Variants in SDK1 observed in about 807,000 individuals in gnomAD.
SDK1 encodes the protein protein sidekick-1.
In SDK1, 157 loss-of-function variants were observed where a neutral mutation model predicts 245.5. The ratio of observed to expected loss-of-function variants is 0.64; its 90% CI spans 0.56 to 0.73. The LOEUF (loss-of-function observed/expected upper bound fraction) is 0.73, where lower values mean the gene tolerates loss of function less well. SDK1 is among the 30% of genes least tolerant of loss of function. The pLI is 0.00. For missense variants in SDK1, 3,583 were observed against 3,002.3 expected (o/e 1.19, Z -4.52); for synonymous variants, 1,647 against 1,278.5 (o/e 1.29, Z -6.15).
At chr7:4,221,797 C>T (rs1785166900) in intron 40 of SDK1, among the ~76,000 whole-genome samples, 1 of 152,166 alleles carries the variant, frequency 6.6e-6, no homozygotes. Context: ...GTGAAACCGA[C>T]ACATCGTTTG....
At chr7:4,070,288 T>G (rs10238275) in intron 20 of SDK1, among the ~76,000 whole-genome samples, 11,739 of 152,202 alleles carry the variant, frequency 0.077, 1,024 homozygotes, top group African/African-American at 0.21. Context: ...CACCCTCATT[T>G]CCCGGTTCAC....
chr7:3,581,806 C>T (rs576180119), intron 1 of SDK1, among the ~76,000 whole-genome samples: 1 of 152,228 alleles, frequency 6.6e-6, no homozygotes, highest in African/African-American at 2.4e-5. Context: ...CCTCAGAATA[C>T]TATGCGGCCA....
Position 3,401,756 on chromosome 7 carries a change from A to C in SDK1, c.298+99872A>C, listed in dbSNP as rs1408225007. Among the ~76,000 whole-genome samples the C allele has an allele frequency of 7.9e-5, 12 of 152,146 alleles. 1 individual carries two copies. Among genetic ancestry groups the C allele is most frequent in the Admixed American group, 7.9e-4 (12 of 15,272 alleles). On this transcript the variant is annotated intron_variant, in intron 1 of 44. Transcript: ENST00000404826. ...TAATTTTGTATCTACTAGTATTAGA[A>C]TGTATGAATTACCCCTTAATTTTTC...
At chr7:3,534,994 T>C (rs990232318) in intron 1 of SDK1, among the ~76,000 whole-genome samples, 2 of 152,014 alleles carry the variant, frequency 1.3e-5, no homozygotes, top group Non-Finnish European at 2.9e-5. Flanking sequence ...GCTGTGTAAA[T>C]GTCATGCAGT....
intron 29 of SDK1, among the ~76,000 whole-genome samples, chr7:4,146,635 C>T (rs958450424): frequency 2.0e-5 from 3 of 152,204 alleles, no homozygotes; most frequent in Admixed American, 6.5e-5. Flanking sequence ...TTGAGCTCCC[C>T]GAAAGCAGCC....
At chr7:3,661,017 A>C (rs913471262) in intron 4 of SDK1, among the ~76,000 whole-genome samples, 1 of 152,184 alleles carries the variant, frequency 6.6e-6, no homozygotes, top group African/African-American at 2.4e-5. Context: ...TTTAGAAATT[A>C]CTTATGTGAA....
At chr7:3,992,197 A>C (rs1374143681) in intron 14 of SDK1, among the ~76,000 whole-genome samples, 6 of 152,198 alleles carry the variant, frequency 3.9e-5, no homozygotes, top group South Asian at 2.1e-4. Context: ...CCCTGACGAC[A>C]TTCCTGCCAC....
chr7:3,818,874 C>G (rs946288961), intron 4 of SDK1, among the ~76,000 whole-genome samples: 3 of 152,124 alleles, frequency 2.0e-5, no homozygotes, highest in African/African-American at 7.2e-5. Context: ...GATCAAGACC[C>G]ACACCTGATG....
intron 5 of SDK1, among the ~76,000 whole-genome samples, chr7:3,939,995 T>G (rs1278307010): frequency 6.6e-6 from 1 of 152,236 alleles, no homozygotes; most frequent in South Asian, 2.1e-4. Flanking sequence ...GCGTAGGCAA[T>G]GTTCAAGGCC....
intron 14 of SDK1, among the ~76,000 whole-genome samples, chr7:3,998,755 G>A (rs1370794338): frequency 1.3e-5 from 2 of 152,308 alleles, no homozygotes; most frequent in Non-Finnish European, 2.9e-5. Flanking sequence ...TGTGCGGGAG[G>A]AACAACACCT....
In SDK1 at chr7:4,049,418, C is replaced by A; in HGVS notation, c.2673C>A (p.Asn891Lys). The A allele has an allele frequency of 6.2e-7, 1 of 1,614,184 alleles. No homozygotes were observed. The highest frequency in any genetic ancestry group is 8.5e-7 in the Non-Finnish European group (1 of 1,180,026). ...CCACCACCATTCAGTTCCTGTGGAA[C>A]CCTCCGCCTCAGCAGTTTATCAATG... ...VNSTTIQFLW[N>K]PPPQQFINGI... The change falls in exon 18 of 45, where the codon AAC (asparagine) becomes AAA (lysine). Residue 891 changes from asparagine to lysine, a missense_variant. By Grantham distance (94) the Asn-to-Lys change is moderately conservative (BLOSUM62 0). Coordinates refer to ENST00000404826, the MANE Select transcript of SDK1 (RefSeq NM_152744.4).
At chr7:3,645,423 C>G (rs1235891690) in intron 4 of SDK1, among the ~76,000 whole-genome samples, 1 of 152,148 alleles carries the variant, frequency 6.6e-6, no homozygotes, top group Non-Finnish European at 1.5e-5. Flanking sequence ...TATTAAGTAC[C>G]TGCTGTGCAA....
At chr7:3,874,940 T>A (rs1781038893) in intron 5 of SDK1, among the ~76,000 whole-genome samples, 1 of 152,158 alleles carries the variant, frequency 6.6e-6, no homozygotes, top group African/African-American at 2.4e-5. Flanking sequence ...TGTCTTAGGT[T>A]TCTCATTGAG....
chr7:3,633,163 A>C (rs1363692788), intron 2 of SDK1, among the ~76,000 whole-genome samples: 1 of 152,182 alleles, frequency 6.6e-6, no homozygotes, highest in Admixed American at 6.5e-5. Context: ...TTCATGGAAA[A>C]TAGATATTTT....
intron 5 of SDK1, among the ~76,000 whole-genome samples, chr7:3,909,013 C>T (rs977333404): frequency 6.6e-6 from 1 of 152,018 alleles, no homozygotes; most frequent in African/African-American, 2.4e-5. Flanking sequence ...CTCAAGTGAG[C>T]CAGGGTGGGA....
chr7:3,804,470 AC>A (rs1779190399), intron 4 of SDK1, among the ~76,000 whole-genome samples: 2 of 152,306 alleles, frequency 1.3e-5, no homozygotes, highest in African/African-American at 4.8e-5. Context: ...TGCCAATACC[AC>A]ACTGGATATA....
At chr7:3,408,704 G>A (rs1197435037) in intron 1 of SDK1, among the ~76,000 whole-genome samples, 2 of 152,096 alleles carry the variant, frequency 1.3e-5, no homozygotes, top group Non-Finnish European at 2.9e-5. Context: ...TTTTTTATAT[G>A]TTGGACAGTA....
intron 14 of SDK1, among the ~76,000 whole-genome samples, chr7:4,007,268 G>T (rs990052548): frequency 3.3e-5 from 5 of 152,188 alleles, no homozygotes; most frequent in Admixed American, 1.3e-4. Context: ...CCTCAGAGCG[G>T]GTTTCACTCT....
intron 4 of SDK1, among the ~76,000 whole-genome samples, chr7:3,726,514 G>A (rs532570353): frequency 6.6e-6 from 1 of 152,236 alleles, no homozygotes; most frequent in East Asian, 1.9e-4. Flanking sequence ...TTTGTATTTT[G>A]TTAGCACTTT....
Sources: gnomAD v4.1 joint callset for allele counts (sites outside exome capture counted in the v4.1 genomes callset) on GRCh38, gnomAD v4.1.1 for gene constraint, MANE v1.5 for transcripts, NCBI Gene and HGNC (gene_info 2026-07-23, HGNC 2026-07-21) for gene names.